JHY: variants seen among roughly 807,000 people sequenced by gnomAD.
JHY encodes junctional cadherin complex regulator, also known as jhy protein homolog.
In JHY, 69 loss-of-function variants were observed where a neutral mutation model predicts 78.0. The ratio of observed to expected loss-of-function variants is 0.88; its 90% confidence interval spans 0.73 to 1.08. The LOEUF (loss-of-function observed/expected upper bound fraction) is 1.08, where lower values mean the gene tolerates loss of function less well. Among genes scored for constraint, JHY ranks in the 50% least tolerant of loss-of-function variants. The pLI is 0.00. For synonymous variants in JHY, 368 were observed against 342.6 expected, an observed-to-expected ratio of 1.07 and a Z score of -0.82; for missense variants, 944 against 927.8, an observed-to-expected ratio of 1.02 and a Z score of -0.23.
chr11:122,904,223 G>A lies in JHY; in HGVS notation c.643G>A (p.Asp215Asn), dbSNP rs750979612. 1.5e-5 allele frequency: 25 copies of A among 1,614,060 alleles called. No individual in the cohort carries two copies. In the Admixed American group the frequency reaches 4.0e-4, roughly 26 times the overall value. ...CAGCAAGCCGTTTTCAGAGCTGAGC[G>A]ACAGTGACCTGGAGGAGAAGTCGAG... is the stretch of plus-strand genomic sequence containing the variant. Reference protein sequence around the residue: ...RRSKPFSELSDSDLEEKSSSL... With the variant: ...RRSKPFSELSNSDLEEKSSSL... Residue 215 changes from aspartate to asparagine, a missense_variant, in exon 3 of 9, where the codon GAC becomes AAC. Physicochemically the swap from Asp to Asn is conservative, Grantham distance 23. Coordinates refer to ENST00000227349, the MANE Select transcript of JHY (RefSeq NM_024806.4).
chr11:122,901,181 C>G (rs757267493), intron 2 of JHY, among the ~76,000 whole-genome samples: 1 of 152,134 alleles, frequency 6.6e-6, no homozygotes, highest in Non-Finnish European at 1.5e-5. Context: ...ATTTGTGCAT[C>G]TAAACATAGA....
rs534362250 is a variant in JHY at position 122,944,440 on chromosome 11, T to C, written c.1635-2058T>C. Among the ~76,000 whole-genome samples, 6 of 152,310 alleles carry C rather than the reference T, an allele frequency of 3.9e-5. No homozygotes were observed. The South Asian group carries it at 1.2e-3, about 32-fold the overall frequency. Reference sequence around the variant, plus strand: ...TGTACTTAACTAGTCTAGCATTAAATTAATATTCCCATTCTCCTCTAGAAC... The same window carrying C: ...TGTACTTAACTAGTCTAGCATTAAACTAATATTCCCATTCTCCTCTAGAAC... On this transcript the variant is annotated intron_variant, in intron 5 of 8. Coordinates refer to ENST00000227349, the MANE Select transcript of JHY (RefSeq NM_024806.4).
rs976520809 is a variant in JHY, at chr11:122,961,892, A to G, written c.*2447A>G. On this transcript the variant is annotated 3_prime_UTR_variant, in exon 9 of 9. Transcript: ENST00000227349. ...CTAACAGAGCATCAAGACATTAGTT[A>G]GAAACCCTCCAACAAGTCCAGAAAC... Among the ~76,000 whole-genome samples the G allele has an allele frequency of 2.0e-5, 3 of 152,236 alleles. No individual in the cohort carries two copies. The highest frequency in any genetic ancestry group is 4.8e-5 in the African/African-American group (2 of 41,466).
intron 4 of JHY, among the ~76,000 whole-genome samples, chr11:122,926,587 C>A (rs1315718955): frequency 6.6e-6 from 1 of 152,172 alleles, no homozygotes; most frequent in Non-Finnish European, 1.5e-5. Context: ...GAGAGGATGG[C>A]GACTGAAATG....
At chr11:122,953,779 AGT>A (rs2135381088) in intron 6 of JHY, among the ~76,000 whole-genome samples, 1 of 152,286 alleles carries the variant, frequency 6.6e-6, no homozygotes, top group South Asian at 2.1e-4. Flanking sequence ...TTCAATGAAC[AGT>A]GTGTCTTCTG....
intron 5 of JHY, among the ~76,000 whole-genome samples, chr11:122,943,551 C>T (rs1269958633): frequency 2.0e-5 from 3 of 152,132 alleles, no homozygotes; most frequent in African/African-American, 4.8e-5. Flanking sequence ...GGTGAGGTGG[C>T]ATCTCCCTCT....
chr11:122,957,807 A>G (rs1038862835), intron 8 of JHY, among the ~76,000 whole-genome samples: 4 of 110,734 alleles, frequency 3.6e-5, no homozygotes, highest in African/African-American at 1.3e-4. Context: ...TGACACACAC[A>G]CAGTCACACA....
At chr11:122,924,305 C>T (rs180817584) in intron 3 of JHY, among the ~76,000 whole-genome samples, 2 of 152,018 alleles carry the variant, frequency 1.3e-5, no homozygotes, top group Admixed American at 6.5e-5. Flanking sequence ...GTGCAGGCTC[C>T]GGAGATAGAC....
intron 6 of JHY, among the ~76,000 whole-genome samples, chr11:122,950,784 C>T (rs988750173): frequency 2.0e-5 from 3 of 152,186 alleles, no homozygotes; most frequent in Non-Finnish European, 4.4e-5. Flanking sequence ...AGTACTCCGA[C>T]GACAGTGTGT....
At chr11:122,912,185 G>A (rs1428901480) in intron 3 of JHY, among the ~76,000 whole-genome samples, 1 of 151,716 alleles carries the variant, frequency 6.6e-6, no homozygotes, top group Non-Finnish European at 1.5e-5. Context: ...TACTCAAGAG[G>A]CTGAGGCAGG....
intron 5 of JHY, among the ~76,000 whole-genome samples, chr11:122,945,710 A>G (rs574015503): frequency 1.3e-5 from 2 of 152,284 alleles, no homozygotes; most frequent in African/African-American, 4.8e-5. Context: ...TTGTTACATT[A>G]GTTTCTTCAT....
chr11:122,930,578 A>G (rs1459240165), intron 4 of JHY, among the ~76,000 whole-genome samples: 1 of 152,240 alleles, frequency 6.6e-6, no homozygotes, highest in Non-Finnish European at 1.5e-5. Flanking sequence ...GATGGTCATC[A>G]TCATATTCTA....
chr11:122,961,597 C>A lies in JHY; in HGVS notation c.*2152C>A, dbSNP rs137959946. Among the ~76,000 whole-genome samples the A allele has an allele frequency of 6.6e-6, 1 of 152,116 alleles. No individual in the cohort carries two copies. The highest frequency in any genetic ancestry group is 1.5e-5 in the Non-Finnish European group (1 of 68,020). The stretch of plus-strand genomic sequence containing the variant: ...CTTGAACTCCTGATCTCAGGTGATC[C>A]GCCCACCTTGGCCTTCCAAAGTGCT... On this transcript the variant is annotated 3_prime_UTR_variant, in exon 9 of 9. Transcript: ENST00000227349.
At chr11:122,918,207 A>C (rs940360924) in intron 3 of JHY, among the ~76,000 whole-genome samples, 3 of 151,562 alleles carry the variant, frequency 2.0e-5, no homozygotes, top group Admixed American at 2.0e-4. Context: ...AGCCTAGCAT[A>C]CATTTATTGA....
At position 122,930,751 on chromosome 11, in the gene JHY, G is replaced by C. The variant is rs1591388572; in HGVS notation, c.979-3669G>C. The stretch of plus-strand genomic sequence containing the variant: ...CTTAGGTTGTGTGCCCAGACTGAAT[G>C]CAGTATGTTTAAGGCTCAGGACTCT... On this transcript the variant is annotated intron_variant, in intron 4 of 8. Coordinates refer to ENST00000227349, the MANE Select transcript of JHY (RefSeq NM_024806.4). Among the ~76,000 whole-genome samples the C allele has an allele frequency of 2.0e-5, 3 of 152,194 alleles. No individual in the cohort carries two copies. In the South Asian group the frequency reaches 6.2e-4, roughly 32 times the overall value.
At chr11:122,919,409 G>A (rs1863309478) in intron 3 of JHY, among the ~76,000 whole-genome samples, 1 of 142,514 alleles carries the variant, frequency 7.0e-6, no homozygotes, top group Non-Finnish European at 1.5e-5. Context: ...CCCTAAACAA[G>A]TGAATTTCCA....
Position 122,920,322 on chromosome 11 carries a change from A to G in JHY, c.865-4575A>G, listed in dbSNP as rs571774866. ...AAAAAATCAACTCTATTTAATTTGG[A>G]TATGTGCTAGTTGTCAATACTATCA... On this transcript the variant is annotated intron_variant, in intron 3 of 8. Coordinates refer to ENST00000227349, the MANE Select transcript of JHY (RefSeq NM_024806.4). Among the ~76,000 whole-genome samples the G allele has an allele frequency of 9.2e-5, 14 of 152,334 alleles. No homozygotes were observed. The East Asian group carries it at 1.9e-3, about 21-fold the overall frequency.
chr11:122,954,374 A>G (rs978731536), intron 6 of JHY, among the ~76,000 whole-genome samples: 1 of 152,230 alleles, frequency 6.6e-6, no homozygotes, highest in Admixed American at 6.5e-5. Context: ...TTGAACATCT[A>G]CAGTGGGAAG....
At chr11:122,905,026 T>A in intron 3 of JHY, 1 of 703,868 alleles carries the variant, frequency 1.4e-6, no homozygotes, top group Non-Finnish European at 2.3e-6. Context: ...GTGGGTTTTT[T>A]TTTTCAATCT....
Sources: allele counts gnomAD v4.1 joint callset (sites outside exome capture counted in the v4.1 genomes callset), GRCh38; gene constraint gnomAD v4.1.1; transcripts MANE v1.5; gene names NCBI Gene and HGNC (gene_info 2026-07-23, HGNC 2026-07-21).